NPLOC4: variants seen among roughly 807,000 people sequenced by gnomAD.
The protein encoded by NPLOC4 is NPL4 homolog, ubiquitin recognition factor, also known as nuclear protein localization protein 4 homolog.
A neutral mutation model predicts 80.6 loss-of-function variants in NPLOC4; 18 were observed. The ratio of observed to expected loss-of-function variants is 0.22; its 90% CI spans 0.15 to 0.33. NPLOC4 has a LOEUF of 0.33. NPLOC4 is among the 10% of genes least tolerant of loss of function. NPLOC4 has a pLI of 1.00. For synonymous variants in NPLOC4, 313 were observed against 301.5 expected, an observed-to-expected ratio of 1.04 and a Z score of -0.39; for missense variants, 540 against 786.1, an observed-to-expected ratio of 0.69 and a Z score of 3.74.
At chr17:81,599,815 T>C (rs973071499) in intron 9 of NPLOC4, among the ~76,000 whole-genome samples, 6 of 152,322 alleles carry the variant, frequency 3.9e-5, no homozygotes, top group East Asian at 3.9e-4. Context: ...CTAGGAAGAA[T>C]TGTAGGCTCA....
chr17:81,605,380 C>T (rs1402648548), intron 7 of NPLOC4, among the ~76,000 whole-genome samples: 1 of 152,028 alleles, frequency 6.6e-6, no homozygotes, highest in African/African-American at 2.4e-5. Context: ...GGCACGGTGG[C>T]TCATGCCTGT....
At chr17:81,596,730 A>G (rs2034917176) in intron 10 of NPLOC4, among the ~76,000 whole-genome samples, 1 of 152,238 alleles carries the variant, frequency 6.6e-6, no homozygotes, top group African/African-American at 2.4e-5. Context: ...TGAGCCCTGA[A>G]AATCACTGCT....
At chr17:81,584,894 C>T (rs1334095304) in intron 12 of NPLOC4, among the ~76,000 whole-genome samples, 1 of 152,102 alleles carries the variant, frequency 6.6e-6, no homozygotes, top group East Asian at 1.9e-4. Context: ...AGGCCCAGCA[C>T]GGTGGCTCAC....
At position 81,620,994 on chromosome 17, in the gene NPLOC4, GC is replaced by G. The variant is rs533425259; in HGVS notation, c.209+1171del. 2.0e-4 allele frequency among the ~76,000 whole-genome samples: 31 copies of G among 151,922 alleles called. No homozygotes were observed. The South Asian group carries it at 5.8e-3, about 29-fold the overall frequency. On this transcript the variant is annotated intron_variant, in intron 3 of 16. Transcript: ENST00000331134. ...GCTACGATCGCACCACCGCACTCCA[GC>G]CTGGGTGACACGGTGAGATTCTGTC...
Position 81,608,744 on chromosome 17 carries a change from T to C in NPLOC4, c.514A>G (p.Thr172Ala). ...MSFHAYIRKL[T>A]GGADKGKFVA... ...GTTGCTTACTTGTCAGCCCCTCCAG[T>C]CAGCTTCCGGATGTAGGCGTGGAAG... The change falls in exon 6 of 17, where the codon ACT (threonine) becomes GCT (alanine). Residue 172 changes from threonine to alanine, a missense_variant. Thr to Ala is a moderately conservative substitution (Grantham distance 58). Around this residue, in one of 6 missense-constraint regions of NPLOC4, gnomAD observed 61 missense variants for 156.7 expected, o/e 0.39. Coordinates refer to ENST00000331134, the MANE Select transcript of NPLOC4 (RefSeq NM_017921.4). The C allele has an allele frequency of 6.3e-7, 1 of 1,589,496 alleles. No homozygotes were observed. The highest frequency in any genetic ancestry group is 8.6e-7 in the Non-Finnish European group (1 of 1,167,430).
chr17:81,574,704 C>A (rs1379311771), intron 12 of NPLOC4, among the ~76,000 whole-genome samples: 1 of 152,116 alleles, frequency 6.6e-6, no homozygotes, highest in African/African-American at 2.4e-5. Context: ...GGATCGATGT[C>A]TTTGTTAGCT....
chr17:81,609,099 C>T (rs973726328), intron 5 of NPLOC4, among the ~76,000 whole-genome samples: 2 of 152,228 alleles, frequency 1.3e-5, no homozygotes, highest in Non-Finnish European at 2.9e-5. Flanking sequence ...CTGCTCACTA[C>T]AACCTCCACC....
Position 81,589,071 on chromosome 17 carries a change from T to C in NPLOC4, c.1154A>G (p.Tyr385Cys). The change falls in exon 12 of 17, where the codon TAC (tyrosine) becomes TGC (cysteine). Residue 385 changes from tyrosine (Y) to cysteine (C), a missense_variant. By Grantham distance (194) the Tyr-to-Cys change is radical. Coordinates refer to ENST00000331134, the MANE Select transcript of NPLOC4 (RefSeq NM_017921.4). ...TGCCATACACTGATTGGACACCTGG[T>C]ACCCTTCAAAGTGGACTTGGTTGTC... ...GPDNQVHFEG[Y>C]QVSNQCMALV... The C allele has an allele frequency of 6.2e-7, 1 of 1,613,740 alleles. No homozygotes were observed. The highest frequency in any genetic ancestry group is 8.5e-7 in the Non-Finnish European group (1 of 1,179,772).
chr17:81,629,738 G>A lies in NPLOC4; in HGVS notation c.83C>T (p.Thr28Ile). 3 of 1,613,384 alleles carry A rather than the reference G, an allele frequency of 1.9e-6. No individual in the cohort carries two copies. Among genetic ancestry groups the A allele is most frequent in the Non-Finnish European group, 2.5e-6 (3 of 1,179,400 alleles). The change falls in exon 2 of 17, where the codon ACA (threonine) becomes ATA (isoleucine). Residue 28 changes from threonine (T) to isoleucine (I), a missense_variant. Physicochemically the swap from Thr to Ile is moderately conservative, Grantham distance 89. This residue lies in a region of NPLOC4 where 62 missense variants were observed against 84.4 expected (regional missense o/e 0.73). Transcript: ENST00000331134. ...GGCCACAGATACCTTTTTCAAAAATGTTGCTGCTGTTTCTCTCTTTGTTGC... is the reference window on the plus strand; with the variant it reads ...GGCCACAGATACCTTTTTCAAAAATATTGCTGCTGTTTCTCTCTTTGTTGC... ...ITATKRETAA[T>I]FLKKVAKEFG... is the part of the protein sequence containing the mutation.
At chr17:81,635,538 G>A (rs1333153664) in intron 1 of NPLOC4, among the ~76,000 whole-genome samples, 1 of 152,054 alleles carries the variant, frequency 6.6e-6, no homozygotes, top group African/African-American at 2.4e-5. Context: ...AGACCCATTT[G>A]TTTGTGTGTG....
At chr17:81,559,620 G>C (rs182030781) in intron 16 of NPLOC4, among the ~76,000 whole-genome samples, 4 of 152,254 alleles carry the variant, frequency 2.6e-5, no homozygotes, top group East Asian at 1.9e-4. Context: ...CTGCACCACA[G>C]GGAGTAACAG....
At chr17:81,612,001 A>C (rs2035354718) in intron 4 of NPLOC4, among the ~76,000 whole-genome samples, 1 of 152,030 alleles carries the variant, frequency 6.6e-6, no homozygotes, top group African/African-American at 2.4e-5. Context: ...AAATAATAAC[A>C]AAGCTGGTAC....
chr17:81,622,627 T>C (rs183818083), intron 2 of NPLOC4, among the ~76,000 whole-genome samples: 2 of 152,298 alleles, frequency 1.3e-5, no homozygotes, highest in Admixed American at 1.3e-4. Flanking sequence ...CTCGGCTTAC[T>C]GCAACCTCCA....
intron 12 of NPLOC4, 29 bp downstream of exon 12, chr17:81,588,913 TAC>T: frequency 6.3e-7 from 1 of 1,597,400 alleles, no homozygotes; most frequent in African/African-American, 1.3e-5. Flanking sequence ...ATTCTCCATG[TAC>T]AGAGTTCTTT....
In NPLOC4 at chr17:81,559,385, A is replaced by G. The variant is rs759007754; in HGVS notation, c.1701T>C (p.His567=). 7 of 1,610,532 alleles carry G rather than the reference A, an allele frequency of 4.3e-6. No individual in the cohort carries two copies. In the African/African-American group the frequency reaches 8.0e-5, roughly 18 times the overall value. Reference sequence around the variant, plus strand: ...TGGAGCCCCCGACGGCGCCGTACTCATGGAGACCTGGGAGCTGCCCGCCAA... The same window carrying G: ...TGGAGCCCCCGACGGCGCCGTACTCGTGGAGACCTGGGAGCTGCCCGCCAA... The part of the protein sequence containing the change: ...STVGGQLPGL[H]EYGAVGGSTH... Residue 567 remains histidine (H), a synonymous_variant, in exon 17 of 17, where the codon CAT becomes CAC. Transcript: ENST00000331134.
chr17:81,582,832 C>T (rs2034479802), intron 12 of NPLOC4, among the ~76,000 whole-genome samples: 1 of 152,266 alleles, frequency 6.6e-6, no homozygotes, highest in African/African-American at 2.4e-5. Context: ...ACAAAACCCC[C>T]ACCAGCTGGG....
chr17:81,563,878 G>A, intron 16 of NPLOC4: 1 of 453,158 alleles, frequency 2.2e-6, no homozygotes. Context: ...AATACTACAT[G>A]TTTTCATTTA....
chr17:81,613,596 T>A lies in NPLOC4; in HGVS notation c.210-102A>T, dbSNP rs186079950. On this transcript the variant is annotated intron_variant, in intron 3 of 16. Coordinates refer to ENST00000331134, the MANE Select transcript of NPLOC4 (RefSeq NM_017921.4). ...AAAAAGCAAATGCCAACCACCCCTG[T>A]AGGCCTAAACAATGAGGTTTCTAAC... The A allele has an allele frequency of 1.1e-5, 11 of 1,037,812 alleles. No individual in the cohort carries two copies. The East Asian group carries it at 2.9e-4, about 27-fold the overall frequency. The allele number at this position is 1,037,812 out of a possible 1,614,324, so 64.3% of individuals were successfully genotyped here.
rs2036091898 is a variant in NPLOC4 at position 81,636,820 on chromosome 17, C to A, written c.15+96G>T. On this transcript the variant is annotated intron_variant, in intron 1 of 16. Transcript: ENST00000331134. The stretch of plus-strand genomic sequence containing the variant: ...GCGAGAGAAGAGAAAGGGGCCGAGT[C>A]GCGGCGCCGGCAGGCCCGCCTCCCC... The A allele has an allele frequency of 4.8e-6, 6 of 1,255,930 alleles. No individual in the cohort carries two copies. The South Asian group carries it at 6.8e-5, about 14-fold the overall frequency. 77.8% of individuals were successfully genotyped at this position (1,255,930 alleles called of 1,614,324 possible).
Sources: allele counts gnomAD v4.1 joint callset (sites outside exome capture counted in the v4.1 genomes callset), GRCh38; gene constraint gnomAD v4.1.1; regional missense constraint gnomAD v4.1.1; transcripts MANE v1.5; gene names NCBI Gene and HGNC (gene_info 2026-07-23, HGNC 2026-07-21).